SVIL: variants seen among roughly 807,000 people sequenced by gnomAD.
The protein encoded by SVIL is archvillin.
SVIL carries 101 observed loss-of-function variants against 240.4 expected under a neutral mutation model. That is an observed-to-expected ratio of 0.42 (90% confidence interval 0.36 to 0.50). The LOEUF (loss-of-function observed/expected upper bound fraction) is 0.50. SVIL is among the 20% of genes least tolerant of loss of function. SVIL has a pLI of 0.01. For synonymous variants in SVIL, 999 were observed against 1,100.0 expected, an observed-to-expected ratio of 0.91 and a Z score of 1.82; for missense variants, 2,512 against 2,818.7, an observed-to-expected ratio of 0.89 and a Z score of 2.46.
intron 21 of SVIL, 69 bp downstream of exon 21, chr10:29,493,145 T>C (rs2132408907): frequency 3.3e-6 from 5 of 1,514,270 alleles, no homozygotes; most frequent in Non-Finnish European, 4.5e-6. Context: ...AAAAGCCTCA[T>C]GGATGTGCCC....
chr10:29,601,536 G>A (rs1247697408), intron 1 of SVIL, among the ~76,000 whole-genome samples: 1 of 152,148 alleles, frequency 6.6e-6, no homozygotes, highest in Non-Finnish European at 1.5e-5. Context: ...ATAGAATGAG[G>A]TTCTTGCCAT....
chr10:29,640,275 G>T (rs1958442033), intron 3 of SVIL, among the ~76,000 whole-genome samples: 1 of 152,070 alleles, frequency 6.6e-6, no homozygotes, highest in African/African-American at 2.4e-5. Context: ...ATGGTATCTG[G>T]CACTTTCTGA....
intron 3 of SVIL, among the ~76,000 whole-genome samples, chr10:29,654,873 G>A (rs1387124618): frequency 6.6e-6 from 1 of 152,158 alleles, no homozygotes; most frequent in Non-Finnish European, 1.5e-5. Context: ...ATGTCCAAGG[G>A]CAGTAGAAGA....
chr10:29,467,983 T>A, intron 32 of SVIL, 108 bp from the exon 33 acceptor site: 2 of 1,223,400 alleles, frequency 1.6e-6, no homozygotes, highest in Non-Finnish European at 2.3e-6. Flanking sequence ...TATTGAGATA[T>A]AATTCACATG....
At chr10:29,635,838 CTGGAG>C (rs1295960694), upstream of SVIL, among the ~76,000 whole-genome samples, 1 of 152,182 alleles carries the variant, frequency 6.6e-6, no homozygotes, top group Non-Finnish European at 1.5e-5. Flanking sequence ...AAGACTTGGG[CTGGAG>C]TACAGCAAAA....
At chr10:29,483,085 G>A (rs1000556216) in intron 27 of SVIL, 2 of 152,226 alleles carry the variant, frequency 1.3e-5, no homozygotes, top group African/African-American at 4.8e-5. Flanking sequence ...AGCACCTATG[G>A]AAAATGCACG....
intron 26 of SVIL, among the ~76,000 whole-genome samples, chr10:29,485,575 T>C (rs1312083239): frequency 6.6e-6 from 1 of 152,310 alleles, no homozygotes; most frequent in East Asian, 1.9e-4. Context: ...TTACATTCCT[T>C]CTAATACTCT....
At chr10:29,674,029 AT>A (rs376157522) in intron 2 of SVIL, among the ~76,000 whole-genome samples, 32 of 151,940 alleles carry the variant, frequency 2.1e-4, no homozygotes, top group African/African-American at 7.2e-5. Flanking sequence ...TTTAGCATAA[AT>A]TTTTTTTTGA....
Position 29,470,276 on chromosome 10 carries a change from T to C in SVIL, c.5843A>G (p.Gln1948Arg), listed in dbSNP as rs1358588938. ...GACTCGCCGCAGACACAACACTCAC[T>C]GTTCCTTGATCTTGTTCGCAGCGGT... ...GRTAANKIKE[Q>R]CPLEAGLHSS... The change falls in exon 32 of 38, where the codon CAA (glutamine) becomes CGA (arginine). Residue 1948 changes from glutamine to arginine, a missense_variant and splice_region_variant. Coordinates refer to ENST00000355867, the MANE Select transcript of SVIL (RefSeq NM_021738.3). 2.5e-6 allele frequency: 4 copies of C among 1,614,216 alleles called. No individual in the cohort carries two copies. In the South Asian group the frequency reaches 4.4e-5, roughly 18 times the overall value.
At position 29,697,029 on chromosome 10, in the gene SVIL, C is replaced by T. The variant is rs574101316; in HGVS notation, c.-399-10378G>A. Among the ~76,000 whole-genome samples, 1,156 of 140,188 alleles carry T rather than the reference C, an allele frequency of 8.2e-3. 20 individuals carry two copies. Among genetic ancestry groups the T allele is most frequent in the African/African-American group, 0.029 (1,062 of 37,188 alleles). The allele number at this position is 140,188 out of a possible 152,430, so 92.0% of individuals were successfully genotyped here. A position where few individuals can be genotyped will look rare whatever the true frequency, so the allele number is the denominator to read the frequency against. ...GGGAGGGAGGTGGGGGGCTCAGCCCCCCGCCCGGCCAGCCGCCCCGTCCGG... is the reference window on the plus strand; with the variant it reads ...GGGAGGGAGGTGGGGGGCTCAGCCCTCCGCCCGGCCAGCCGCCCCGTCCGG... On this transcript the variant is annotated intron_variant, in intron 1 of 35. Transcript: ENST00000375400.
intron 30 of SVIL, among the ~76,000 whole-genome samples, chr10:29,473,172 G>A (rs541849029): frequency 2.6e-5 from 4 of 152,126 alleles, no homozygotes; most frequent in East Asian, 1.9e-4. Flanking sequence ...GGCCCATCAC[G>A]AAGGTGCTGG....
rs1328323 is a variant in SVIL, at chr10:29,532,594, T to C, written c.1773A>G (p.Lys591=). The change falls in exon 8 of 38, where the codon AAA becomes AAG. Residue 591 remains lysine (K), a synonymous_variant. Transcript: ENST00000355867. ...CACTTCGGAGCTGGGCGACAGAGAC[T>C]TTTGTGTCCAGCATGCTGATCTCCC... is the stretch of plus-strand genomic sequence containing the variant. ...PYGEISMLDT[K]VSVAQLRSAF... 0.41 allele frequency: 659,251 copies of C among 1,613,678 alleles called. 139,033 individuals are homozygous for C. Among genetic ancestry groups the C allele is most frequent in the Non-Finnish European group, 0.44 (515,798 of 1,179,758 alleles).
chr10:29,692,141 C>T (rs985716165), intron 1 of SVIL, among the ~76,000 whole-genome samples: 2 of 152,160 alleles, frequency 1.3e-5, no homozygotes, highest in Non-Finnish European at 2.9e-5. Context: ...AACAAAGAAT[C>T]GTGAACTTGG....
intron 1 of SVIL, among the ~76,000 whole-genome samples, chr10:29,613,279 T>C (rs886110404): frequency 1.3e-4 from 20 of 151,680 alleles, no homozygotes; most frequent in Non-Finnish European, 8.8e-5. Context: ...TTTGAGTAAA[T>C]AGGTCTGGGT....
At position 29,697,323 on chromosome 10, in the gene SVIL, C is replaced by A. The variant is rs1380897745; in HGVS notation, c.-399-10672G>T. On this transcript the variant is annotated intron_variant, in intron 1 of 35. Coordinates refer to the SVIL transcript ENST00000375400. ...CACCCCGTCTGGGAGGTGTACCCAA[C>A]AGCTCATTGAGAATGGGCCATGATG... 8.2e-4 allele frequency among the ~76,000 whole-genome samples: 70 copies of A among 85,668 alleles called. 6 individuals are homozygous for A. The highest frequency in any genetic ancestry group is 3.6e-4 in the East Asian group (1 of 2,764). The allele number at this position is 85,668 out of a possible 152,430, so 56.2% of individuals were successfully genotyped here. A position where few individuals can be genotyped will look rare whatever the true frequency, so the allele number is the denominator to read the frequency against.
chr10:29,574,026 G>A lies in SVIL; in HGVS notation c.-200-4714C>T, dbSNP rs118015821. Among the ~76,000 whole-genome samples the A allele has an allele frequency of 1.9e-3, 287 of 152,248 alleles. 4 individuals are homozygous for A. In the East Asian group the frequency reaches 0.046, roughly 24 times the overall value. ...CTTTCTTAAATTTCAGGGAGAAGAC[G>A]TTTTAACCGAGCGCTGATGGTGGTG... On this transcript the variant is annotated intron_variant, in intron 1 of 37. Transcript: ENST00000355867.
intron 2 of SVIL, among the ~76,000 whole-genome samples, chr10:29,674,069 A>G (rs1960016235): frequency 6.6e-6 from 1 of 152,136 alleles, no homozygotes; most frequent in Admixed American, 6.5e-5. Flanking sequence ...AGTGGATCAC[A>G]CCTGTAATGA....
intron 29 of SVIL, among the ~76,000 whole-genome samples, chr10:29,479,834 C>G (rs1946630806): frequency 6.6e-6 from 1 of 152,214 alleles, no homozygotes; most frequent in Non-Finnish European, 1.5e-5. Context: ...CTGTGACCTG[C>G]ATGCTCTCCT....
At chr10:29,505,693 G>A (rs191836866) in intron 17 of SVIL, among the ~76,000 whole-genome samples, 103 of 152,280 alleles carry the variant, frequency 6.8e-4, no homozygotes, top group South Asian at 5.4e-3. Context: ...ATAATGACGC[G>A]TCAACGTAGG....
Sources: allele counts gnomAD v4.1 joint callset (sites outside exome capture counted in the v4.1 genomes callset), GRCh38; gene constraint gnomAD v4.1.1; transcripts MANE v1.5; gene names NCBI Gene and HGNC (gene_info 2026-07-23, HGNC 2026-07-21).